The following EIF3D variants were observed in gnomAD, a reference collection of about 807,000 sequenced individuals.
The protein encoded by EIF3D is eukaryotic translation initiation factor 3 subunit D.
A neutral mutation model predicts 75.4 loss-of-function variants in EIF3D; 10 were observed. The observed-to-expected ratio is 0.13, with a 90% CI of 0.08 to 0.22. The LOEUF (loss-of-function observed/expected upper bound fraction) is 0.22. EIF3D is among the 10% of genes least tolerant of loss of function. The pLI, the probability that EIF3D is intolerant of heterozygous loss-of-function variation, is 1.00. For missense variants in EIF3D, 394 were observed against 708.0 expected (o/e 0.56, Z 5.03); for synonymous variants, 246 against 248.3 (o/e 0.99, Z 0.09).
chr22:36,520,505 A>G lies in EIF3D; in HGVS notation c.578+71T>C, dbSNP rs563621130. The G allele has an allele frequency of 2.7e-6, 3 of 1,098,838 alleles. No individual in the cohort carries two copies. The South Asian group carries it at 4.1e-5, about 15-fold the overall frequency. The allele number at this position is 1,098,838 out of a possible 1,614,324, so 68.1% of individuals were successfully genotyped here. On this transcript the variant is annotated intron_variant, in intron 7 of 14. Transcript: ENST00000216190. Reference sequence around the variant, plus strand: ...GCCTTTTTGGAAATACTAGGGCTTAAGAAAATACCCATCACCAGCTGGTCC... The same window carrying G: ...GCCTTTTTGGAAATACTAGGGCTTAGGAAAATACCCATCACCAGCTGGTCC...
chr22:36,511,815 G>A (rs1274824851), intron 13 of EIF3D, 29 bp from the exon 14 acceptor site: 1 of 1,601,638 alleles, frequency 6.2e-7, no homozygotes, highest in African/African-American at 1.3e-5. Flanking sequence ...TCAGTGGTCA[G>A]AGCAGGGCAG....
Position 36,517,403 on chromosome 22 carries a change from A to G in EIF3D, c.888T>C (p.Asn296=). Residue 296 remains asparagine (N), a synonymous_variant, in exon 10 of 15, where the codon AAT becomes AAC. Coordinates refer to ENST00000216190, the MANE Select transcript of EIF3D (RefSeq NM_003753.4). ...AATTACCTTCATCTTGAGGGGGCTCATTGGCAGTCTCACTCACTGTCAGGA... is the reference window on the plus strand; with the variant it reads ...AATTACCTTCATCTTGAGGGGGCTCGTTGGCAGTCTCACTCACTGTCAGGA... The part of the protein sequence containing the change: ...FDLLTVSETA[N]EPPQDEGNSF... 1.2e-6 allele frequency: 2 copies of G among 1,613,390 alleles called. No homozygotes were observed. The highest frequency in any genetic ancestry group is 1.7e-6 in the Non-Finnish European group (2 of 1,179,730).
At chr22:36,519,015 T>C in intron 8 of EIF3D, 105 bp from the exon 9 acceptor site, 1 of 1,442,872 alleles carries the variant, frequency 6.9e-7, no homozygotes, top group East Asian at 2.4e-5. Flanking sequence ...AAATCCTTAA[T>C]AAGGAGGCCC....
In EIF3D at chr22:36,516,767, G is replaced by T. The variant is rs755472102; in HGVS notation, c.1014C>A (p.Pro338=). The change falls in exon 11 of 15, where the codon CCC becomes CCA. Residue 338 remains proline (P), a synonymous_variant. Transcript: ENST00000216190. ...CGTCCTCCACAAACGGGTTTGGGTT[G>T]GGGAAGTTGTATCTTTCCTTCCCCT... is the stretch of plus-strand genomic sequence containing the variant. The part of the protein sequence containing the change: ...LRMGKERYNF[P]NPNPFVEDDM... 1 of 1,614,070 alleles carries T rather than the reference G, an allele frequency of 6.2e-7. No homozygotes were observed. Among genetic ancestry groups the T allele is most frequent in the African/African-American group, 1.3e-5 (1 of 74,928 alleles).
rs562589100 is a variant in EIF3D at position 36,528,864 on chromosome 22, G to A, written c.-11+212C>T. The A allele has an allele frequency of 2.4e-4, 39 of 163,746 alleles. 3 individuals carry two copies. The South Asian group carries it at 7.7e-3, about 32-fold the overall frequency. 10.1% of individuals were successfully genotyped at this position (163,746 alleles called of 1,614,324 possible). ...GCTCATGGGCACTGAGCAGGGCCGA[G>A]GGCCAAGGACCTCACCCACAAGGTC... On this transcript the variant is annotated intron_variant, in intron 1 of 14. Coordinates refer to ENST00000216190, the MANE Select transcript of EIF3D (RefSeq NM_003753.4).
chr22:36,521,807 C>T (rs1385155967), intron 6 of EIF3D, among the ~76,000 whole-genome samples: 1 of 150,496 alleles, frequency 6.6e-6, no homozygotes, highest in Non-Finnish European at 1.5e-5. Flanking sequence ...CATGTTGGCA[C>T]GTGCCTGTAA....
At chr22:36,514,781 C>T (rs1473568710) in intron 12 of EIF3D, among the ~76,000 whole-genome samples, 1 of 151,960 alleles carries the variant, frequency 6.6e-6, no homozygotes, top group African/African-American at 2.4e-5. Context: ...GAACTCAGTT[C>T]TATTTCTATT....
intron 10 of EIF3D, among the ~76,000 whole-genome samples, 163 bp downstream of exon 10, chr22:36,517,138 G>A (rs1175167791): frequency 6.6e-6 from 1 of 152,188 alleles, no homozygotes; most frequent in Non-Finnish European, 1.5e-5. Context: ...CAAAGTCAGA[G>A]AGCCTAACAT....
At chr22:36,511,894 CTTTTTTTTTT>C (rs3076235) in intron 13 of EIF3D, 108 bp from the exon 14 acceptor site, 4 of 1,269,612 alleles carry the variant, frequency 3.2e-6, no homozygotes, top group Non-Finnish European at 3.1e-6. Context: ...GCTATTTTTT[CTTTTTTTTTT>C]TTTTGAGACG....
chr22:36,527,445 G>A (rs562314957), intron 1 of EIF3D, among the ~76,000 whole-genome samples: 1 of 152,310 alleles, frequency 6.6e-6, no homozygotes, highest in Admixed American at 6.5e-5. Flanking sequence ...ATAGCAGATG[G>A]CTGCCCGACA....
chr22:36,514,532 C>T (rs1346451713), intron 12 of EIF3D, among the ~76,000 whole-genome samples: 1 of 152,066 alleles, frequency 6.6e-6, no homozygotes, highest in African/African-American at 2.4e-5. Flanking sequence ...GTGTAGAGGT[C>T]GGAGACGGAG....
At chr22:36,525,089 G>A (rs1467343785) in intron 3 of EIF3D, among the ~76,000 whole-genome samples, 2 of 152,136 alleles carry the variant, frequency 1.3e-5, no homozygotes, top group Admixed American at 6.5e-5. Context: ...GCCCATGGCA[G>A]GTATGTCTAA....
Position 36,511,516 on chromosome 22 carries a change from TTCTTCCTCC to T in EIF3D, c.1611_1619del (p.Glu544_Glu546del). The T allele has an allele frequency of 6.2e-7, 1 of 1,613,950 alleles. No homozygotes were observed. Among genetic ancestry groups the T allele is most frequent in the Non-Finnish European group, 8.5e-7 (1 of 1,179,936 alleles). On this transcript the variant is annotated inframe_deletion, in exon 14 of 15. Transcript: ENST00000216190. The stretch of plus-strand genomic sequence containing the variant: ...GCTGCTACACACCTTCTTCTTCCTC[TTCTTCCTCC>T]TCCTCTTCCTCCTCATCTTCATCAG...
intron 4 of EIF3D, among the ~76,000 whole-genome samples, 155 bp from the exon 5 acceptor site, chr22:36,524,135 G>T (rs1253036428): frequency 6.6e-6 from 1 of 152,040 alleles, no homozygotes; most frequent in Non-Finnish European, 1.5e-5. Flanking sequence ...AACAGCTTGG[G>T]GGTGTTAGGG....
intron 14 of EIF3D, 70 bp downstream of exon 14, chr22:36,511,433 T>C (rs1934333428): frequency 6.3e-7 from 1 of 1,580,800 alleles, no homozygotes; most frequent in African/African-American, 1.3e-5. Flanking sequence ...AAGATCACAA[T>C]GGCTACAGAG....
chr22:36,514,873 G>A (rs532201603), intron 12 of EIF3D, among the ~76,000 whole-genome samples: 76 of 152,304 alleles, frequency 5.0e-4, no homozygotes, highest in African/African-American at 1.4e-3. Context: ...GTTGGAGGAG[G>A]AGCATGGTGG....
intron 1 of EIF3D, chr22:36,528,687 G>A (rs565217939): frequency 6.6e-6 from 1 of 152,032 alleles, no homozygotes; most frequent in Non-Finnish European, 1.5e-5. Context: ...TATGCACTGT[G>A]AATTCCTAAG....
At chr22:36,511,951 C>T (rs1044749023) in intron 13 of EIF3D, among the ~76,000 whole-genome samples, 165 bp from the exon 14 acceptor site, 51 of 148,054 alleles carry the variant, frequency 3.4e-4, no homozygotes, top group African/African-American at 1.2e-3. Context: ...AGTGCAGTGG[C>T]GCCATCTTGG....
chr22:36,518,239 G>A (rs904847609), intron 9 of EIF3D, among the ~76,000 whole-genome samples: 2 of 152,004 alleles, frequency 1.3e-5, no homozygotes, highest in Non-Finnish European at 2.9e-5. Flanking sequence ...ACCTCTAATC[G>A]CAGCACTTTG....
Sources: allele counts gnomAD v4.1 joint callset (sites outside exome capture counted in the v4.1 genomes callset), GRCh38; gene constraint gnomAD v4.1.1; transcripts MANE v1.5; gene names NCBI Gene and HGNC (gene_info 2026-07-23, HGNC 2026-07-21).